Variants in ELOVL2 observed in about 807,000 individuals in gnomAD.
ELOVL2 encodes very long chain fatty acid elongase 2.
ELOVL2 carries 38 observed loss-of-function variants against 37.7 expected under a neutral mutation model. The observed-to-expected ratio is 1.01, with a 90% confidence interval of 0.78 to 1.32. ELOVL2 has a LOEUF of 1.32. ELOVL2 is among the 40% of genes most tolerant of loss of function. The probability of loss-of-function intolerance (pLI) is 0.00; values close to 1 mark genes in which losing one functional copy is unlikely to be tolerated. For missense variants in ELOVL2, 352 were observed against 363.6 expected (o/e 0.97, Z 0.26); for synonymous variants, 115 against 122.3 (o/e 0.94, Z 0.40).
chr6:10,996,379 A>G (rs754780606), intron 4 of ELOVL2, among the ~76,000 whole-genome samples: 4 of 152,196 alleles, frequency 2.6e-5, no homozygotes, highest in Non-Finnish European at 5.9e-5. Flanking sequence ...ACTATATCTT[A>G]CTTTATTTGT....
At chr6:11,014,548 T>C (rs1287939049) in intron 1 of ELOVL2, among the ~76,000 whole-genome samples, 4 of 150,708 alleles carry the variant, frequency 2.7e-5, no homozygotes, top group African/African-American at 9.8e-5. Flanking sequence ...AGTAAAAAGT[T>C]AGTCCCTCCC....
In ELOVL2 at chr6:10,989,771, C is replaced by T. The variant is rs533736335; in HGVS notation, c.697G>A (p.Gly233Ser). Reference protein sequence around the residue: ...AVVKPCGFPFGCLIFQSSYML... With the variant: ...AVVKPCGFPFSCLIFQSSYML... ...TAAGATGACTGGAAGATGAGACAAC[C>T]GAAGGGGAAGCCACACGGTTTCACG... is the stretch of plus-strand genomic sequence containing the variant. Residue 233 changes from glycine (G) to serine (S), a missense_variant, in exon 7 of 8, where the codon GGT becomes AGT. Physicochemically the swap from Gly to Ser is moderately conservative, Grantham distance 56. Transcript: ENST00000354666. 35 of 1,614,080 alleles carry T rather than the reference C, an allele frequency of 2.2e-5. No individual in the cohort carries two copies. Among genetic ancestry groups the T allele is most frequent in the Middle Eastern group, 1.7e-4 (1 of 6,060 alleles).
intron 1 of ELOVL2, among the ~76,000 whole-genome samples, chr6:11,019,438 G>C (rs1190026567): frequency 1.3e-5 from 2 of 152,186 alleles, no homozygotes; most frequent in Non-Finnish European, 2.9e-5. Context: ...AAGCCTTAAA[G>C]AATGCTTTCC....
intron 1 of ELOVL2, among the ~76,000 whole-genome samples, chr6:11,012,516 T>C (rs1446723534): frequency 2.6e-5 from 4 of 152,254 alleles, no homozygotes; most frequent in African/African-American, 7.2e-5. Flanking sequence ...CTTTCTTCCA[T>C]TGCTGCACCC....
At chr6:11,003,914 T>C (rs1279694991) in intron 3 of ELOVL2, among the ~76,000 whole-genome samples, 1 of 151,456 alleles carries the variant, frequency 6.6e-6, no homozygotes, top group East Asian at 1.9e-4. Flanking sequence ...AATCCCCATC[T>C]CTACTAAAAA....
intron 1 of ELOVL2, among the ~76,000 whole-genome samples, chr6:11,019,720 G>A (rs1248099047): frequency 2.7e-5 from 4 of 150,172 alleles, no homozygotes; most frequent in Admixed American, 6.7e-5. Flanking sequence ...TGTCTCTATC[G>A]TTTTAGTTTA....
Position 10,989,733 on chromosome 6 carries a change from T to C in ELOVL2, c.735A>G (p.Leu245=), listed in dbSNP as rs767089430. 3.1e-5 allele frequency: 50 copies of C among 1,613,750 alleles called. No homozygotes were observed. Among genetic ancestry groups the C allele is most frequent in the African/African-American group, 4.0e-5 (3 of 74,858 alleles). Reference sequence around the variant, plus strand: ...CGTAAAAATTTAAGAAGAGGATGACTAACGTTAGCATATAAGATGACTGGA... The same window carrying C: ...CGTAAAAATTTAAGAAGAGGATGACCAACGTTAGCATATAAGATGACTGGA... ...LIFQSSYMLT[L]VILFLNFYVQ... The change falls in exon 7 of 8, where the codon TTA becomes TTG. Residue 245 remains leucine (L), a synonymous_variant. Transcript: ENST00000354666.
intron 5 of ELOVL2, 95 bp downstream of exon 5, chr6:10,994,912 G>T: frequency 9.9e-7 from 1 of 1,005,522 alleles, no homozygotes; most frequent in Non-Finnish European, 1.4e-6. Context: ...CTCCCTTCAT[G>T]CTCTCCTGAT....
intron 3 of ELOVL2, among the ~76,000 whole-genome samples, chr6:11,001,706 T>A (rs770091369): frequency 1.3e-5 from 2 of 152,196 alleles, no homozygotes; most frequent in Admixed American, 1.3e-4. Flanking sequence ...TCCTGTGGCA[T>A]CTGTGCAGAA....
chr6:11,022,064 GGA>G (rs1456616059), intron 1 of ELOVL2, among the ~76,000 whole-genome samples: 1 of 152,180 alleles, frequency 6.6e-6, no homozygotes, highest in Non-Finnish European at 1.5e-5. Context: ...GGGGTCCCAG[GGA>G]GAGAGAGGCC....
chr6:11,024,388 C>A (rs1394978776), intron 1 of ELOVL2, among the ~76,000 whole-genome samples: 1 of 152,112 alleles, frequency 6.6e-6, no homozygotes, highest in Admixed American at 6.5e-5. Context: ...TCATTTATAT[C>A]CAATGGCCAA....
At chr6:11,026,840 TTAAC>T (rs1281203778) in intron 1 of ELOVL2, among the ~76,000 whole-genome samples, 12 of 150,840 alleles carry the variant, frequency 8.0e-5, no homozygotes, top group South Asian at 2.1e-4. Flanking sequence ...ATCTAATAGA[TTAAC>T]TATCCTTACA....
Position 10,995,084 on chromosome 6 carries a change from G to C in ELOVL2, c.428C>G (p.Thr143Ser), listed in dbSNP as rs1202465655. 2.5e-6 allele frequency: 4 copies of C among 1,613,352 alleles called. No individual in the cohort carries two copies. The highest frequency in any genetic ancestry group is 1.1e-5 in the South Asian group (1 of 91,002). ...FVLRKKTSQI[T>S]FLHVYHHASM... ...AGCATGATGATATACATGAAGAAAA[G>C]TAATCTGACTCGTTTTTTTCCGCAA... The change falls in exon 5 of 8, where the codon ACT becomes AGT. Residue 143 changes from threonine (T) to serine (S), a missense_variant. Transcript: ENST00000354666.
chr6:11,017,972 A>G (rs1170520282), intron 1 of ELOVL2, among the ~76,000 whole-genome samples: 2 of 152,158 alleles, frequency 1.3e-5, no homozygotes, highest in African/African-American at 4.8e-5. Flanking sequence ...TCGCATTCCT[A>G]GTTATATTTT....
chr6:11,024,059 C>G (rs1782806862), intron 1 of ELOVL2, among the ~76,000 whole-genome samples: 1 of 152,206 alleles, frequency 6.6e-6, no homozygotes, highest in South Asian at 2.1e-4. Flanking sequence ...AAATATAGAG[C>G]TGATGAATAA....
intron 4 of ELOVL2, among the ~76,000 whole-genome samples, chr6:10,995,695 G>A (rs755790988): frequency 9.9e-5 from 15 of 152,126 alleles, no homozygotes; most frequent in Non-Finnish European, 1.8e-4. Context: ...AGGCTGAACT[G>A]CTGCTTCATT....
intron 1 of ELOVL2, among the ~76,000 whole-genome samples, chr6:11,027,251 T>C (rs899262232): frequency 2.0e-5 from 3 of 152,192 alleles, no homozygotes; most frequent in Non-Finnish European, 4.4e-5. Flanking sequence ...CACAGCATTG[T>C]AAAGGCTCAA....
rs1298139483 is a variant in ELOVL2 at position 10,982,426 on chromosome 6, G to A, written c.*1355C>T. ...TTATTTAAAAAAATAAGGCAGGAGAGAAGATGAAGTGACTTCATCGAAGCT... is the reference window on the plus strand; with the variant it reads ...TTATTTAAAAAAATAAGGCAGGAGAAAAGATGAAGTGACTTCATCGAAGCT... On this transcript the variant is annotated 3_prime_UTR_variant, in exon 8 of 8. Coordinates refer to ENST00000354666, the MANE Select transcript of ELOVL2 (RefSeq NM_017770.4). 1 of 152,094 alleles carries A rather than the reference G, an allele frequency of 6.6e-6. No homozygotes were observed. Among genetic ancestry groups the A allele is most frequent in the African/African-American group, 2.4e-5 (1 of 41,408 alleles). 9.4% of individuals were successfully genotyped at this position (152,094 alleles called of 1,614,324 possible).
intron 5 of ELOVL2, among the ~76,000 whole-genome samples, chr6:10,994,109 G>T (rs549904092): frequency 1.3e-5 from 2 of 151,724 alleles, no homozygotes; most frequent in Non-Finnish European, 2.9e-5. Context: ...GCTGCGGTGA[G>T]CTATGACTAC....
Sources: gnomAD v4.1 joint callset for allele counts (sites outside exome capture counted in the v4.1 genomes callset) on GRCh38, gnomAD v4.1.1 for gene constraint, MANE v1.5 for transcripts, NCBI Gene and HGNC (gene_info 2026-07-23, HGNC 2026-07-21) for gene names.